Variants in CDH18 observed in about 807,000 individuals in gnomAD.
CDH18 encodes the protein cadherin 18, also known as cadherin-18.
CDH18 carries 31 observed loss-of-function variants against 67.9 expected under a neutral mutation model. That is an observed-to-expected ratio of 0.46 (90% confidence interval 0.34 to 0.62). The LOEUF is 0.62. Among genes scored for constraint, CDH18 ranks in the 20% least tolerant of loss-of-function variants. The probability of loss-of-function intolerance (pLI) is 0.01; values close to 1 mark genes in which losing one functional copy is unlikely to be tolerated. For missense variants in CDH18, 890 were observed against 975.5 expected, an observed-to-expected ratio of 0.91 and a Z score of 1.17; for synonymous variants, 362 against 347.2, an observed-to-expected ratio of 1.04 and a Z score of -0.48.
At chr5:20,095,392 G>GAAGAAAGA (rs746033336) in intron 2 of CDH18, among the ~76,000 whole-genome samples, 9,808 of 63,546 alleles carry the variant, frequency 0.15, 1,344 homozygotes, top group Admixed American at 0.18. Context: ...AAGAGAAACA[G>GAAGAAAGA]AAGAAAGAAA....
intron 7 of CDH18, among the ~76,000 whole-genome samples, chr5:19,579,900 C>T (rs545853148): frequency 6.6e-6 from 1 of 151,290 alleles, no homozygotes; most frequent in Non-Finnish European, 1.5e-5. Context: ...TTCAATCCAC[C>T]CCCCCCAAAG....
At chr5:19,888,099 C>T (rs895428825) in intron 2 of CDH18, among the ~76,000 whole-genome samples, 3 of 152,114 alleles carry the variant, frequency 2.0e-5, no homozygotes, top group Admixed American at 6.6e-5. Context: ...TATCACACTG[C>T]TTTACCATGT....
intron 12 of CDH18, among the ~76,000 whole-genome samples, chr5:19,480,543 A>C (rs1252982004): frequency 6.6e-6 from 1 of 151,138 alleles, no homozygotes; most frequent in African/African-American, 2.4e-5. Context: ...AAGCCCGACT[A>C]ATTTTTTGTG....
At chr5:20,013,853 C>T (rs1036647189) in intron 2 of CDH18, among the ~76,000 whole-genome samples, 4 of 152,022 alleles carry the variant, frequency 2.6e-5, no homozygotes, top group Non-Finnish European at 5.9e-5. Context: ...TTTAATATCT[C>T]TTTGTTTTAT....
chr5:20,341,957 G>A (rs1740302122), intron 1 of CDH18, among the ~76,000 whole-genome samples: 1 of 152,150 alleles, frequency 6.6e-6, no homozygotes, highest in South Asian at 2.1e-4. Flanking sequence ...CCTAAGCTCA[G>A]TGGACAAAGT....
At chr5:19,652,099 A>G (rs1294490995) in intron 5 of CDH18, among the ~76,000 whole-genome samples, 1 of 151,880 alleles carries the variant, frequency 6.6e-6, no homozygotes, top group East Asian at 1.9e-4. Context: ...TAATATTTAC[A>G]CTTTATCATT....
chr5:20,572,315 G>A (rs554750970), intron 1 of CDH18, among the ~76,000 whole-genome samples: 1 of 151,962 alleles, frequency 6.6e-6, no homozygotes, highest in Non-Finnish European at 1.5e-5. Context: ...TTGAGTTTCG[G>A]TGCTGTCCCT....
intron 1 of CDH18, among the ~76,000 whole-genome samples, chr5:20,462,878 A>G (rs1401247402): frequency 6.6e-6 from 1 of 152,184 alleles, no homozygotes; most frequent in East Asian, 1.9e-4. Context: ...TAGGACTATA[A>G]TTACATTGCT....
chr5:19,978,239 G>T (rs1394682548), intron 2 of CDH18, among the ~76,000 whole-genome samples: 2 of 152,124 alleles, frequency 1.3e-5, no homozygotes, highest in East Asian at 3.9e-4. Flanking sequence ...TCATTAGGGA[G>T]GATAAATTAT....
intron 11 of CDH18, among the ~76,000 whole-genome samples, chr5:19,497,951 A>G (rs1742619937): frequency 6.6e-6 from 1 of 152,188 alleles, no homozygotes; most frequent in East Asian, 1.9e-4. Flanking sequence ...AAGCCTCCTG[A>G]GTCAAAGACA....
At chr5:19,618,808 G>A (rs1009304918) in intron 5 of CDH18, among the ~76,000 whole-genome samples, 8 of 152,020 alleles carry the variant, frequency 5.3e-5, no homozygotes, top group African/African-American at 9.7e-5. Context: ...CTGGCCTTAA[G>A]GTTCTCATAT....
intron 2 of CDH18, among the ~76,000 whole-genome samples, chr5:20,115,894 T>C (rs771158764): frequency 6.6e-6 from 1 of 151,974 alleles, no homozygotes; most frequent in Non-Finnish European, 1.5e-5. Context: ...AGATTAGAGG[T>C]AGATGTCCCA....
intron 1 of CDH18, among the ~76,000 whole-genome samples, chr5:20,504,000 T>C (rs1428881919): frequency 6.6e-6 from 1 of 151,006 alleles, no homozygotes; most frequent in Non-Finnish European, 1.5e-5. Context: ...ATCACGCCAC[T>C]GCTCTCCAGC....
intron 1 of CDH18, among the ~76,000 whole-genome samples, chr5:20,336,984 C>A (rs140983700): frequency 6.6e-6 from 1 of 152,168 alleles, no homozygotes; most frequent in Non-Finnish European, 1.5e-5. Flanking sequence ...GATGCAACAC[C>A]CCTAGGAGGG....
At chr5:20,248,206 G>A (rs1285836112) in intron 2 of CDH18, among the ~76,000 whole-genome samples, 3 of 152,248 alleles carry the variant, frequency 2.0e-5, no homozygotes, top group Admixed American at 2.0e-4. Context: ...CTGCTGACTG[G>A]ATCTGGGTTA....
At chr5:20,536,201 C>G (rs991804408) in intron 1 of CDH18, among the ~76,000 whole-genome samples, 1 of 152,068 alleles carries the variant, frequency 6.6e-6, no homozygotes, top group South Asian at 2.1e-4. Flanking sequence ...ATATAATAAC[C>G]AATTGATCAG....
chr5:19,767,620 A>T (rs1773258600), intron 3 of CDH18, among the ~76,000 whole-genome samples: 1 of 152,236 alleles, frequency 6.6e-6, no homozygotes, highest in South Asian at 2.1e-4. Context: ...AGCAGAAAGA[A>T]ACATTAGAAA....
chr5:19,544,522 G>A (rs1735984985), intron 8 of CDH18, among the ~76,000 whole-genome samples: 1 of 151,238 alleles, frequency 6.6e-6, no homozygotes, highest in South Asian at 2.1e-4. Flanking sequence ...CTAAACCCTT[G>A]TTTAGTCAAA....
chr5:20,054,368 G>A (rs939130041), intron 2 of CDH18, among the ~76,000 whole-genome samples: 1 of 152,106 alleles, frequency 6.6e-6, no homozygotes, highest in Non-Finnish European at 1.5e-5. Flanking sequence ...ATCTTTTAAT[G>A]TATTTTTTCT....
Sources: allele counts gnomAD v4.1 joint callset (sites outside exome capture counted in the v4.1 genomes callset), GRCh38; gene constraint gnomAD v4.1.1; transcripts MANE v1.5; gene names NCBI Gene and HGNC (gene_info 2026-07-23, HGNC 2026-07-21).